Variants in ZBTB44 observed in about 807,000 individuals in gnomAD.
ZBTB44 encodes zinc finger and BTB domain-containing protein 44.
In ZBTB44, 15 loss-of-function variants were observed where a neutral mutation model predicts 54.0. The observed-to-expected ratio is 0.28, with a 90% CI of 0.19 to 0.43. The LOEUF (loss-of-function observed/expected upper bound fraction) is 0.43. Among genes scored for constraint, ZBTB44 ranks in the 20% least tolerant of loss-of-function variants. The pLI is 1.00. For synonymous variants in ZBTB44, 230 were observed against 250.1 expected (o/e 0.92, Z 0.76); for missense variants, 487 against 707.1 (o/e 0.69, Z 3.53).
chr11:130,266,962 T>A (rs566023388), intron 1 of ZBTB44, among the ~76,000 whole-genome samples: 3 of 152,230 alleles, frequency 2.0e-5, no homozygotes, highest in South Asian at 2.1e-4. Flanking sequence ...TTTAAAAAAA[T>A]TTTTAATTAA....
intron 2 of ZBTB44, among the ~76,000 whole-genome samples, chr11:130,251,707 G>A (rs1938020552): frequency 6.6e-6 from 1 of 152,138 alleles, no homozygotes; most frequent in African/African-American, 2.4e-5. Flanking sequence ...ATCCTTTACA[G>A]ACAAGCAAAT....
Position 130,261,884 on chromosome 11 carries a change from C to T in ZBTB44, c.-11G>A. 6.3e-7 allele frequency: 1 copy of T among 1,591,906 alleles called. No homozygotes were observed. The highest frequency in any genetic ancestry group is 8.6e-7 in the Non-Finnish European group (1 of 1,167,504). On this transcript the variant is annotated 5_prime_UTR_variant, in exon 2 of 8. Transcript: ENST00000357899. The surrounding 1 kb of genome is among the most constrained non-coding windows in gnomAD (Gnocchi z 4.8). ...TGTTTTCACACCCATCTTTTACTTC[C>T]TCTTCTACAGATGCTCTTCAAGGAT...
intron 1 of ZBTB44, chr11:130,295,696 A>G: frequency 6.6e-7 from 1 of 1,507,206 alleles, no homozygotes; most frequent in Non-Finnish European, 9.2e-7. Context: ...CCACTTCTGG[A>G]AGGCAGGGAT....
chr11:130,257,941 TCTA>T (rs1415474110), intron 2 of ZBTB44, among the ~76,000 whole-genome samples: 1 of 152,170 alleles, frequency 6.6e-6, no homozygotes, highest in Non-Finnish European at 1.5e-5. Flanking sequence ...ACTTATCTTT[TCTA>T]CTGCTTTTGA....
At chr11:130,237,922 A>G (rs1046732306) in intron 4 of ZBTB44, among the ~76,000 whole-genome samples, 2 of 152,206 alleles carry the variant, frequency 1.3e-5, no homozygotes, top group Non-Finnish European at 2.9e-5. Flanking sequence ...CCCTCTATAC[A>G]TTTATCCAAA....
At chr11:130,266,992 G>A (rs534698519) in intron 1 of ZBTB44, among the ~76,000 whole-genome samples, 1 of 152,068 alleles carries the variant, frequency 6.6e-6, no homozygotes, top group African/African-American at 2.4e-5. Context: ...TTAGCTGGGC[G>A]CAATGGCTCA....
intron 1 of ZBTB44, among the ~76,000 whole-genome samples, chr11:130,286,799 T>A (rs1021873600): frequency 1.3e-5 from 2 of 152,240 alleles, no homozygotes; most frequent in African/African-American, 4.8e-5. Context: ...CTGTAGTGGC[T>A]GGATGACCTT....
intron 1 of ZBTB44, among the ~76,000 whole-genome samples, chr11:130,301,765 T>C (rs955416916): frequency 5.9e-5 from 9 of 152,076 alleles, no homozygotes; most frequent in African/African-American, 1.4e-4. Context: ...GTAGTAACAA[T>C]AGGCAAGGTG....
At chr11:130,309,368 T>C (rs1942456038) in intron 1 of ZBTB44, among the ~76,000 whole-genome samples, 2 of 152,244 alleles carry the variant, frequency 1.3e-5, no homozygotes. Flanking sequence ...GTTTTGCTTT[T>C]CAGCACTTGG....
At chr11:130,287,880 A>G (rs978492260) in intron 1 of ZBTB44, among the ~76,000 whole-genome samples, 2 of 152,132 alleles carry the variant, frequency 1.3e-5, no homozygotes, top group East Asian at 3.9e-4. Context: ...ATAAATTAAA[A>G]CTTAGAAATT....
chr11:130,313,961 TATA>T (rs749269139), intron 1 of ZBTB44, among the ~76,000 whole-genome samples: 34 of 143,544 alleles, frequency 2.4e-4, no homozygotes, highest in African/African-American at 8.6e-4. Context: ...TATATATATA[TATA>T]TATTTTTTTA....
chr11:130,257,238 TAAAAAAAAA>T (rs572669481), intron 2 of ZBTB44, among the ~76,000 whole-genome samples: 1 of 109,342 alleles, frequency 9.1e-6, no homozygotes, highest in African/African-American at 3.2e-5. Flanking sequence ...TCCCAGATCT[TAAAAAAAAA>T]AAAAAAAAAA....
rs1953863562 is a variant in ZBTB44, at chr11:130,231,206, T to C, written c.*558A>G. 6.6e-6 allele frequency: 1 copy of C among 152,090 alleles called. No homozygotes were observed. 9.4% of individuals were successfully genotyped at this position (152,090 alleles called of 1,614,324 possible). ...TTTGAAATAAACCTAAATACTACTA[T>C]ATATACAATTATCCCTTGCAAATCT... On this transcript the variant is annotated 3_prime_UTR_variant, in exon 8 of 8. Coordinates refer to ENST00000357899, the MANE Select transcript of ZBTB44 (RefSeq NM_001301098.2).
intron 1 of ZBTB44, among the ~76,000 whole-genome samples, chr11:130,276,163 T>C (rs1452685948): frequency 7.2e-6 from 1 of 139,596 alleles, no homozygotes; most frequent in Non-Finnish European, 1.5e-5. Context: ...GAGGCAGAGG[T>C]TGCAGTGAGC....
At chr11:130,304,253 C>T (rs1032516997) in intron 1 of ZBTB44, among the ~76,000 whole-genome samples, 1 of 152,048 alleles carries the variant, frequency 6.6e-6, no homozygotes, top group African/African-American at 2.4e-5. Context: ...AAGGACTATC[C>T]GTTACAGTTG....
chr11:130,259,503 CAT>C (rs995325179), intron 2 of ZBTB44, among the ~76,000 whole-genome samples: 3 of 152,184 alleles, frequency 2.0e-5, no homozygotes, highest in Non-Finnish European at 2.9e-5. Flanking sequence ...CACATGCGCA[CAT>C]ATGTTTACTG....
chr11:130,253,820 T>C (rs1174814673), intron 2 of ZBTB44, among the ~76,000 whole-genome samples: 2 of 152,180 alleles, frequency 1.3e-5, no homozygotes, highest in Non-Finnish European at 2.9e-5. Context: ...CTTCAAGCTA[T>C]ACTACAAGGC....
chr11:130,257,859 T>C (rs1049420697), intron 2 of ZBTB44, among the ~76,000 whole-genome samples: 1 of 152,214 alleles, frequency 6.6e-6, no homozygotes, highest in Non-Finnish European at 1.5e-5. Context: ...CCCCTTGGTT[T>C]TGGCTCTTCT....
At chr11:130,243,294 T>C (rs1954469754) in intron 2 of ZBTB44, among the ~76,000 whole-genome samples, 2 of 152,264 alleles carry the variant, frequency 1.3e-5, no homozygotes, top group South Asian at 4.1e-4. Flanking sequence ...TGGTAATTTT[T>C]CGACTGGTTA....
Sources: allele counts gnomAD v4.1 joint callset (sites outside exome capture counted in the v4.1 genomes callset), GRCh38; gene constraint gnomAD v4.1.1; non-coding constraint Gnocchi (gnomAD v3.1); transcripts MANE v1.5; gene names NCBI Gene and HGNC (gene_info 2026-07-23, HGNC 2026-07-21).